NPIPA6: variants seen among roughly 807,000 people sequenced by gnomAD.
NPIPA6 encodes nuclear pore complex-interacting protein family member A6.
At chr16:16,337,154 CTT>C in the NPIPA6 span, among the ~76,000 whole-genome samples, 1 of 94,588 alleles carries the variant, frequency 1.1e-5, no homozygotes. Context: ...CCGCTGCACT[CTT>C]GTCTCTAACA....
the NPIPA6 span, among the ~76,000 whole-genome samples, chr16:16,342,801 TAGTG>T: frequency 4.3e-5 from 2 of 46,420 alleles, no homozygotes; most frequent in South Asian, 7.3e-4. Context: ...ATTCAGTCAT[TAGTG>T]AGAATGTTTT....
chr16:16,342,872 C>CT, the NPIPA6 span, among the ~76,000 whole-genome samples: 1 of 58,234 alleles, frequency 1.7e-5, no homozygotes, highest in African/African-American at 7.2e-5. Context: ...AAAGTGAACT[C>CT]TGAGTAGAGC....
chr16:16,343,113 A>T, the NPIPA6 span, among the ~76,000 whole-genome samples: 4 of 119,570 alleles, frequency 3.3e-5, no homozygotes, highest in African/African-American at 3.2e-5. Context: ...TTTTTTTTTG[A>T]GACGGAGTCT....
At chr16:16,343,730 TG>T in the NPIPA6 span, among the ~76,000 whole-genome samples, 2 of 80,634 alleles carry the variant, frequency 2.5e-5, no homozygotes, top group Non-Finnish European at 2.4e-5. Flanking sequence ...TGTGTGTGTG[TG>T]TGTGTGTGTG....
the NPIPA6 span, among the ~76,000 whole-genome samples, chr16:16,343,093 ATT>A: frequency 2.0e-4 from 17 of 86,140 alleles, no homozygotes; most frequent in African/African-American, 2.4e-4. Context: ...TATTCATGTC[ATT>A]TTTTTTTTTT....
chr16:16,337,679 A>C, the NPIPA6 span, among the ~76,000 whole-genome samples: 1 of 45,436 alleles, frequency 2.2e-5, no homozygotes, highest in Non-Finnish European at 3.9e-5. Context: ...GCTCACCGCA[A>C]CCTCTGCTTC....
the NPIPA6 span, among the ~76,000 whole-genome samples, chr16:16,338,408 C>CA: frequency 8.4e-6 from 1 of 118,600 alleles, no homozygotes; most frequent in Non-Finnish European, 1.7e-5. Context: ...TTTTTTGAGA[C>CA]AGAGTCTCGC....
chr16:16,339,367 C>G, the NPIPA6 span, among the ~76,000 whole-genome samples: 4 of 53,046 alleles, frequency 7.5e-5, no homozygotes, highest in East Asian at 1.2e-3. Context: ...TGCCTGTAAT[C>G]CCAGCACTTT....
chr16:16,336,104 G>A, the NPIPA6 span: 4 of 10,666 alleles, frequency 3.8e-4, no homozygotes, highest in South Asian at 1.7e-3. Flanking sequence ...CAGAAGCAGG[G>A]ACAGGGAGCT....
At chr16:16,343,000 CAT>C in the NPIPA6 span, among the ~76,000 whole-genome samples, 1 of 82,846 alleles carries the variant, frequency 1.2e-5, no homozygotes, top group African/African-American at 4.7e-5. Context: ...AGTTGTGAAA[CAT>C]GTTAACCTGT....
At chr16:16,336,048 A>G in the NPIPA6 span, 3 of 22,494 alleles carry the variant, frequency 1.3e-4, no homozygotes, top group Admixed American at 3.4e-4. Context: ...TTTGTCGCCA[A>G]AAGTGACCTT....
the NPIPA6 span, chr16:16,336,605 T>G: frequency 1.8e-3 from 388 of 213,002 alleles, 5 homozygotes; most frequent in Non-Finnish European, 2.4e-3. Context: ...CCAACTCAGA[T>G]CGGGCCCGGT....
At chr16:16,336,567 C>T in the NPIPA6 span, 28 of 213,032 alleles carry the variant, frequency 1.3e-4, no homozygotes, top group African/African-American at 8.9e-4. Flanking sequence ...CTTCCCCTCC[C>T]CTTCCCCTCC....
the NPIPA6 span, among the ~76,000 whole-genome samples, chr16:16,343,659 G>A: frequency 1.6e-5 from 2 of 124,810 alleles, no homozygotes; most frequent in Non-Finnish European, 3.3e-5. Flanking sequence ...GCCTCCCAAA[G>A]TGCTGGGATT....
the NPIPA6 span, among the ~76,000 whole-genome samples, chr16:16,343,643 G>T: frequency 1.6e-5 from 2 of 125,474 alleles, no homozygotes; most frequent in African/African-American, 3.3e-5. Context: ...TTATCCGCCT[G>T]CCTCGGCCTC....
At chr16:16,333,558 TCTGTC>T in the NPIPA6 span, 3 of 602,150 alleles carry the variant, frequency 5.0e-6, no homozygotes, top group African/African-American at 2.0e-5. Flanking sequence ...GGCACCGGGC[TCTGTC>T]CTGTCTGCTG....
At chr16:16,337,242 TA>T in the NPIPA6 span, among the ~76,000 whole-genome samples, 2 of 112,568 alleles carry the variant, frequency 1.8e-5, 1 homozygote, top group Non-Finnish European at 3.5e-5. Context: ...TTTTTTTTTT[TA>T]AGACAGAGTC....
the NPIPA6 span, chr16:16,336,612 C>G: frequency 2.0e-5 from 4 of 200,776 alleles, no homozygotes; most frequent in South Asian, 3.5e-5. Flanking sequence ...AGATCGGGCC[C>G]GGTCCCCGTC....
the NPIPA6 span, among the ~76,000 whole-genome samples, chr16:16,343,713 T>TTGTGTGTGTGTGTG: frequency 6.1e-5 from 5 of 81,586 alleles, no homozygotes; most frequent in East Asian, 4.6e-4. Flanking sequence ...TTCTTGTGTG[T>TTGTGTGTGTGTGTG]TGTGTGTGTG....
Sources: allele counts gnomAD v4.1 joint callset (sites outside exome capture counted in the v4.1 genomes callset), GRCh38; gene constraint gnomAD v4.1.1; transcripts MANE v1.5; gene names NCBI Gene and HGNC (gene_info 2026-07-23, HGNC 2026-07-21).